The following KCNIP4 variants were observed in gnomAD, a reference collection of about 807,000 sequenced individuals.
KCNIP4 encodes Kv channel-interacting protein 4.
KCNIP4 carries 12 observed loss-of-function variants against 34.0 expected under a neutral mutation model. The ratio of observed to expected loss-of-function variants is 0.35; its 90% CI spans 0.23 to 0.57. The LOEUF (loss-of-function observed/expected upper bound fraction) is 0.57, where lower values mean the gene tolerates loss of function less well. Ranked by LOEUF, KCNIP4 falls within the 20% of genes least tolerant of loss-of-function variation. The probability of loss-of-function intolerance (pLI) is 0.83; values close to 1 mark genes in which losing one functional copy is unlikely to be tolerated. For synonymous variants in KCNIP4, 124 were observed against 102.2 expected (o/e 1.21, Z -1.29); for missense variants, 238 against 311.7 (o/e 0.76, Z 1.78).
intron 1 of KCNIP4, among the ~76,000 whole-genome samples, chr4:21,870,791 G>A (rs1012477046): frequency 3.9e-5 from 6 of 152,124 alleles, no homozygotes; most frequent in African/African-American, 1.4e-4. Context: ...TAAGATCTTG[G>A]GAACCTTTCT....
intron 1 of KCNIP4, among the ~76,000 whole-genome samples, chr4:21,394,650 A>G (rs1241022973): frequency 6.6e-6 from 1 of 152,182 alleles, no homozygotes; most frequent in Non-Finnish European, 1.5e-5. Flanking sequence ...AAACTGAGAA[A>G]TACATGATGG....
rs371573473 is a variant in KCNIP4 at position 21,037,096 on chromosome 4, T to C, written c.62-154387A>G. On this transcript the variant is annotated intron_variant, in intron 1 of 8. Coordinates refer to ENST00000382152, the MANE Select transcript of KCNIP4 (RefSeq NM_025221.6). ...TATTTTTGTACAGCTGTACAATGTA[T>C]GTGTTTTAAGCTAAGTGTGGTTATT... Among the ~76,000 whole-genome samples, 128 of 152,322 alleles carry C rather than the reference T, an allele frequency of 8.4e-4. 2 individuals are homozygous for C. The East Asian group carries it at 0.019, about 23-fold the overall frequency.
chr4:21,941,720 G>A (rs188390130), intron 1 of KCNIP4, among the ~76,000 whole-genome samples: 24 of 152,242 alleles, frequency 1.6e-4, no homozygotes, highest in African/African-American at 5.5e-4. Context: ...CATATCCAAA[G>A]GGTATTTAAA....
At chr4:21,119,486 C>T (rs982252886) in intron 1 of KCNIP4, among the ~76,000 whole-genome samples, 1 of 146,374 alleles carries the variant, frequency 6.8e-6, no homozygotes. Flanking sequence ...CAACTTTCTA[C>T]ATTTGTTGCT....
At chr4:21,174,045 C>A (rs947684049) in intron 1 of KCNIP4, among the ~76,000 whole-genome samples, 1 of 152,236 alleles carries the variant, frequency 6.6e-6, no homozygotes, top group Non-Finnish European at 1.5e-5. Flanking sequence ...TAAGTGCTCA[C>A]GTGATCTGTC....
intron 1 of KCNIP4, among the ~76,000 whole-genome samples, chr4:21,869,342 T>TA (rs376171708): frequency 2.3e-4 from 35 of 152,148 alleles, no homozygotes; most frequent in African/African-American, 8.2e-4. Context: ...CTCTACCCAG[T>TA]AGGCTCCTAG....
intron 1 of KCNIP4, among the ~76,000 whole-genome samples, chr4:21,717,676 G>C (rs915809697): frequency 2.0e-5 from 3 of 151,998 alleles, no homozygotes; most frequent in African/African-American, 7.3e-5. Context: ...TTCTTTACTG[G>C]GTTGAACTGA....
chr4:21,310,368 C>A (rs1019803042), intron 1 of KCNIP4, among the ~76,000 whole-genome samples: 1 of 151,974 alleles, frequency 6.6e-6, no homozygotes, highest in Non-Finnish European at 1.5e-5. Context: ...CCTGAAAGAA[C>A]AGTCAAAGCC....
At chr4:20,829,174 C>T (rs538501386) in intron 3 of KCNIP4, among the ~76,000 whole-genome samples, 3 of 151,784 alleles carry the variant, frequency 2.0e-5, no homozygotes, top group African/African-American at 4.8e-5. Flanking sequence ...CAGTCTTCTC[C>T]AGTGGGGCCA....
chr4:21,618,630 C>CTTTTTTTT (rs58967707), intron 1 of KCNIP4, among the ~76,000 whole-genome samples: 26 of 81,788 alleles, frequency 3.2e-4, no homozygotes, highest in Non-Finnish European at 4.0e-4. Flanking sequence ...TTTTCTTTTT[C>CTTTTTTTT]TTTTTTTTTT....
At chr4:21,172,929 T>C (rs1754120095) in intron 1 of KCNIP4, among the ~76,000 whole-genome samples, 1 of 152,188 alleles carries the variant, frequency 6.6e-6, no homozygotes, top group South Asian at 2.1e-4. Context: ...AGATGATTCT[T>C]GGTCAAGTTC....
At chr4:21,335,376 C>T (rs1716072837) in intron 1 of KCNIP4, among the ~76,000 whole-genome samples, 1 of 152,110 alleles carries the variant, frequency 6.6e-6, no homozygotes, top group African/African-American at 2.4e-5. Flanking sequence ...TGGATTATCT[C>T]CCTTGCCCCT....
intron 1 of KCNIP4, among the ~76,000 whole-genome samples, chr4:21,834,080 T>G (rs951878124): frequency 6.6e-6 from 1 of 152,176 alleles, no homozygotes; most frequent in Non-Finnish European, 1.5e-5. Flanking sequence ...TGTGGGCTCT[T>G]TTTTGGTTCC....
chr4:21,864,414 C>T (rs993219256), intron 1 of KCNIP4, among the ~76,000 whole-genome samples: 1 of 152,146 alleles, frequency 6.6e-6, no homozygotes, highest in Admixed American at 6.5e-5. Flanking sequence ...AGGACCATTT[C>T]ATTTTTGCAT....
At chr4:21,314,036 A>G (rs1222840650) in intron 1 of KCNIP4, among the ~76,000 whole-genome samples, 1 of 152,160 alleles carries the variant, frequency 6.6e-6, no homozygotes, top group Non-Finnish European at 1.5e-5. Flanking sequence ...GTGTCCTAAG[A>G]TCACAGTTTG....
At chr4:21,032,822 A>G (rs1449845808) in intron 1 of KCNIP4, among the ~76,000 whole-genome samples, 1 of 152,142 alleles carries the variant, frequency 6.6e-6, no homozygotes, top group African/African-American at 2.4e-5. Context: ...GTAATCAAGC[A>G]GAAATTGAAC....
At chr4:21,667,851 C>A (rs763156541) in intron 1 of KCNIP4, among the ~76,000 whole-genome samples, 1 of 152,192 alleles carries the variant, frequency 6.6e-6, no homozygotes, top group African/African-American at 2.4e-5. Context: ...GTGGGACAGG[C>A]GGTGCAGCAA....
chr4:21,902,243 C>T (rs1578127357), intron 1 of KCNIP4, among the ~76,000 whole-genome samples: 1 of 152,000 alleles, frequency 6.6e-6, no homozygotes, highest in East Asian at 1.9e-4. Context: ...CTTCATCACA[C>T]AGAGGACATC....
chr4:20,759,601 G>A lies in KCNIP4; in HGVS notation c.289-711C>T, dbSNP rs183951499. The stretch of plus-strand genomic sequence containing the variant: ...ACAACTGACCTGGAGGGGCCACAGG[G>A]CAAGGTTAGCCCTCTGAGAGTGGTT... On this transcript the variant is annotated intron_variant, in intron 3 of 8. Coordinates refer to ENST00000382152, the MANE Select transcript of KCNIP4 (RefSeq NM_025221.6). Among the ~76,000 whole-genome samples, 1,034 of 152,132 alleles carry A rather than the reference G, an allele frequency of 6.8e-3. 17 individuals carry two copies. The highest frequency in any genetic ancestry group is 0.023 in the South Asian group (111 of 4,816).
Sources: allele counts gnomAD v4.1 joint callset (sites outside exome capture counted in the v4.1 genomes callset), GRCh38; gene constraint gnomAD v4.1.1; transcripts MANE v1.5; gene names NCBI Gene and HGNC (gene_info 2026-07-23, HGNC 2026-07-21).